Variants in SEPTIN1 observed in about 807,000 individuals in gnomAD.
SEPTIN1 encodes septin 1.
A neutral mutation model predicts 50.7 loss-of-function variants in SEPTIN1; 52 were observed. That is an observed-to-expected ratio of 1.03 (90% CI 0.82 to 1.29). The LOEUF (loss-of-function observed/expected upper bound fraction) is 1.29. Among genes scored for constraint, SEPTIN1 ranks in the 50% most tolerant of loss-of-function variants. SEPTIN1 has a pLI of 0.00. For missense variants in SEPTIN1, 455 were observed against 490.7 expected, an observed-to-expected ratio of 0.93 and a Z score of 0.69; for synonymous variants, 204 against 189.1, an observed-to-expected ratio of 1.08 and a Z score of -0.65.
Position 30,379,001 on chromosome 16 carries a change from TC to T in SEPTIN1, c.941+16del. 1 of 1,610,002 alleles carries T rather than the reference TC, an allele frequency of 6.2e-7. No individual in the cohort carries two copies. Among genetic ancestry groups the T allele is most frequent in the Non-Finnish European group, 8.5e-7 (1 of 1,178,480 alleles). ...CGGGACCTTGGAGGCTCTGATACTG[TC>T]CGCCCCGGGTCTCACCTGCGGCTGG... On this transcript the variant is annotated intron_variant, in intron 9 of 10. Coordinates refer to ENST00000321367, the MANE Select transcript of SEPTIN1 (RefSeq NM_001365977.2).
chr16:30,378,795 AG>A, intron 9 of SEPTIN1, 95 bp from the exon 10 acceptor site: 1 of 1,156,858 alleles, frequency 8.6e-7, no homozygotes, highest in Non-Finnish European at 1.2e-6. Flanking sequence ...GTTGGGGTCT[AG>A]GAGGCGGAGC....
At position 30,382,052 on chromosome 16, in the gene SEPTIN1, G is replaced by A; in HGVS notation, c.196+41C>T. 3 of 1,584,482 alleles carry A rather than the reference G, an allele frequency of 1.9e-6. No individual in the cohort carries two copies. The highest frequency in any genetic ancestry group is 2.6e-6 in the Non-Finnish European group (3 of 1,163,302). ...TGGAAAAGACTAGGGTGTAACCTGGGGACAGGGGCTACTGCCTCAAGAGGG... is the reference window on the plus strand; with the variant it reads ...TGGAAAAGACTAGGGTGTAACCTGGAGACAGGGGCTACTGCCTCAAGAGGG... On this transcript the variant is annotated intron_variant, in intron 3 of 10. Transcript: ENST00000321367. This position sits in a 1 kb window ranked among gnomAD's most constrained non-coding sequence, Gnocchi z 4.8.
Position 30,382,218 on chromosome 16 carries a change from C to G in SEPTIN1, c.110-39G>C, listed in dbSNP as rs769136905. The G allele has an allele frequency of 3.7e-6, 6 of 1,612,636 alleles. No individual in the cohort carries two copies. The East Asian group carries it at 6.7e-5, about 18-fold the overall frequency. Reference sequence around the variant, plus strand: ...AGGCCCAACTGGTCAGGGGAGGGGACAGCCAGGGCCTCCTAAGGACATCCC... The same window carrying G: ...AGGCCCAACTGGTCAGGGGAGGGGAGAGCCAGGGCCTCCTAAGGACATCCC... On this transcript the variant is annotated intron_variant, in intron 2 of 10. Coordinates refer to ENST00000321367, the MANE Select transcript of SEPTIN1 (RefSeq NM_001365977.2). This position sits in a 1 kb window ranked among gnomAD's most constrained non-coding sequence, Gnocchi z 4.8.
At chr16:30,382,731 G>A (rs780061738), upstream of SEPTIN1, 139 of 1,535,994 alleles carry the variant, frequency 9.0e-5, no homozygotes, top group Non-Finnish European at 1.1e-4. The surrounding 1 kb of genome is among the most constrained non-coding windows in gnomAD (Gnocchi z 4.8). Context: ...ACCTGTCTAC[G>A]TACCTTCAAC....
At chr16:30,380,769 A>T (rs1225951275) in intron 6 of SEPTIN1, 1 of 217,368 alleles carries the variant, frequency 4.6e-6, no homozygotes, top group Non-Finnish European at 8.9e-6. Context: ...GACTCTATCT[A>T]AAAAAAAAAA....
rs748005226 is a variant in SEPTIN1, at chr16:30,382,260, C to CCAAAACCCCCAG, written c.109+3_109+14dup. On this transcript the variant is annotated intron_variant, in intron 2 of 10. Transcript: ENST00000321367. This position sits in a 1 kb window ranked among gnomAD's most constrained non-coding sequence, Gnocchi z 4.8. ...GGACATCCCCTCCGCAGTTCCCTCT[C>CCAAAACCCCCAG]CAAAACCCCCAGACCTGCCACCATT... 4.2e-5 allele frequency: 67 copies of CCAAAACCCCCAG among 1,613,250 alleles called. No homozygotes were observed. Among genetic ancestry groups the CCAAAACCCCCAG allele is most frequent in the Non-Finnish European group, 5.5e-5 (65 of 1,179,492 alleles).
In SEPTIN1 at chr16:30,379,932, C is replaced by T. The variant is rs777629073; in HGVS notation, c.675G>A (p.Lys225=). ...EDFKRQDAEM[K]ESIPFAVVGS... is the part of the protein sequence containing the mutation. ...TGCCTTCCTTCTTTGTTTCCCACAC[C>T]TTCATCTCTGCATCCTGCCTCTTGA... The change falls in exon 7 of 11, where the codon AAG becomes AAA. Residue 225 remains lysine, a splice_region_variant and synonymous_variant. Coordinates refer to ENST00000321367, the MANE Select transcript of SEPTIN1 (RefSeq NM_001365977.2). 25 of 1,504,256 alleles carry T rather than the reference C, an allele frequency of 1.7e-5. No individual in the cohort carries two copies. Among genetic ancestry groups the T allele is most frequent in the Non-Finnish European group, 2.3e-5 (25 of 1,082,124 alleles). 93.2% of individuals were successfully genotyped at this position (1,504,256 alleles called of 1,614,324 possible).
Position 30,379,774 on chromosome 16 carries a change from T to C in SEPTIN1, c.675+158A>G, listed in dbSNP as rs921533291. 8.5e-6 allele frequency: 5 copies of C among 586,968 alleles called. No individual in the cohort carries two copies. The Admixed American group carries it at 9.5e-5, about 11-fold the overall frequency. 36.4% of individuals were successfully genotyped at this position (586,968 alleles called of 1,614,324 possible). A position where few individuals can be genotyped will look rare whatever the true frequency, so the allele number is the denominator to read the frequency against. On this transcript the variant is annotated intron_variant, in intron 7 of 10. Coordinates refer to ENST00000321367, the MANE Select transcript of SEPTIN1 (RefSeq NM_001365977.2). ...GGCGCCCACCATCACACCTGGCAAA[T>C]TTGTGTATTTTTAGTAGAGGTGGGG...
At chr16:30,378,847 A>AGAAAGGGGGAGAGAGG in intron 9 of SEPTIN1, 147 bp from the exon 10 acceptor site, 1 of 530,494 alleles carries the variant, frequency 1.9e-6, no homozygotes, top group Non-Finnish European at 3.1e-6. Flanking sequence ...GCGGGTGGGG[A>AGAAAGGGGGAGAGAGG]GAGAGGGGGA....
chr16:30,381,230 T>A lies in SEPTIN1; in HGVS notation c.470A>T (p.Asp157Val). 1.9e-6 allele frequency: 3 copies of A among 1,613,890 alleles called. No homozygotes were observed. Among genetic ancestry groups the A allele is most frequent in the Non-Finnish European group, 2.5e-6 (3 of 1,179,950 alleles). The part of the protein sequence containing the change: ...SPFGRGLRPL[D>V]VAFLRAVHEK... ...GTGTACTGCCCGGAGGAAGGCCACA[T>A]CTAGGGGCCGGAGCCTGCACCCAGG... Residue 157 changes from aspartate (D) to valine (V), a missense_variant, in exon 6 of 11, where the codon GAT becomes GTT. Transcript: ENST00000321367. The surrounding 1 kb of genome is among the most constrained non-coding windows in gnomAD (Gnocchi z 4.3).
rs1463597028 is a variant in SEPTIN1, at chr16:30,379,992, CT to C, written c.614del (p.Gln205ArgfsTer20). On this transcript the variant is annotated frameshift_variant, in exon 7 of 11. Transcript: ENST00000321367. LOFTEE classifies it high-confidence loss of function. Reference protein sequence around the residue: ...QLKEEEIHIYQFPECDSDEDE... With the variant: ...QLKEEEIHIYXFPECDSDEDE... ...CTTCATCAGAGTCACATTCGGGGAA[CT>C]GGTAGATGTGGATCTCCTCTTCCTT... The C allele has an allele frequency of 6.2e-7, 1 of 1,612,106 alleles. No homozygotes were observed. The highest frequency in any genetic ancestry group is 1.7e-5 in the Admixed American group (1 of 59,930).
At chr16:30,380,929 G>A (rs908468745) in intron 6 of SEPTIN1, 198 bp downstream of exon 6, 2 of 625,898 alleles carry the variant, frequency 3.2e-6, no homozygotes, top group East Asian at 5.3e-5. Flanking sequence ...TAGCCCGGGG[G>A]CTGCATATGT....
At position 30,382,027 on chromosome 16, in the gene SEPTIN1, T is replaced by G; in HGVS notation, c.196+66A>C. 6.3e-7 allele frequency: 1 copy of G among 1,595,644 alleles called. No individual in the cohort carries two copies. Among genetic ancestry groups the G allele is most frequent in the East Asian group, 2.2e-5 (1 of 44,460 alleles). ...GCAGTCAACTACCTGAGTCCCCAGA[T>G]GGAAAAGACTAGGGTGTAACCTGGG... On this transcript the variant is annotated intron_variant, in intron 3 of 10. Coordinates refer to ENST00000321367, the MANE Select transcript of SEPTIN1 (RefSeq NM_001365977.2). This position sits in a 1 kb window ranked among gnomAD's most constrained non-coding sequence, Gnocchi z 4.8.
At chr16:30,379,666 T>TTTTTTTTTA (rs2049814819) in intron 7 of SEPTIN1, 132 bp from the exon 8 acceptor site, 3 of 616,022 alleles carry the variant, frequency 4.9e-6, no homozygotes, top group Admixed American at 3.1e-5. Context: ...TTTTTTTTTT[T>TTTTTTTTTA]GAGACAGGGT....
Position 30,381,758 on chromosome 16 carries a change from A to G in SEPTIN1, c.320+2T>C, listed in dbSNP as rs1328616004. 6.2e-7 allele frequency: 1 copy of G among 1,613,628 alleles called. No individual in the cohort carries two copies. Among genetic ancestry groups the G allele is most frequent in the East Asian group, 2.2e-5 (1 of 44,870 alleles). ...GCCTCTGTCCCCTTTCCTCTTCCTC[A>G]CCAGTCAGAGCAGTCCACTGAGTCC... is the stretch of plus-strand genomic sequence containing the variant. On this transcript the variant is annotated splice_donor_variant, in intron 4 of 10. Transcript: ENST00000321367. LOFTEE classifies it high-confidence loss of function. The surrounding 1 kb of genome is among the most constrained non-coding windows in gnomAD (Gnocchi z 4.3).
Position 30,379,848 on chromosome 16 carries a change from C to A in SEPTIN1, c.675+84G>T, listed in dbSNP as rs191063042. 348 of 759,964 alleles carry A rather than the reference C, an allele frequency of 4.6e-4. No homozygotes were observed. In the African/African-American group the frequency reaches 4.9e-3, roughly 11 times the overall value. The allele number at this position is 759,964 out of a possible 1,614,324, so 47.1% of individuals were successfully genotyped here. On this transcript the variant is annotated intron_variant, in intron 7 of 10. Transcript: ENST00000321367. The stretch of plus-strand genomic sequence containing the variant: ...TCTGGAACTCCTGACCTCAGGGGAT[C>A]CTCCCGTCTCAGCCTCCCAAAGTGC...
At chr16:30,380,829 G>A (rs1671952168) in intron 6 of SEPTIN1, 1 of 437,680 alleles carries the variant, frequency 2.3e-6, no homozygotes. Context: ...AGTGGGAAAG[G>A]GCTCTGAAGA....
chr16:30,381,876 C>A lies in SEPTIN1; in HGVS notation c.204G>T (p.Leu68Phe). 1 of 1,614,124 alleles carries A rather than the reference C, an allele frequency of 6.2e-7. No homozygotes were observed. Among genetic ancestry groups the A allele is most frequent in the South Asian group, 1.1e-5 (1 of 91,066 alleles). ...DRQVPEASAR[L>F]TQTLAIERRG... Reference sequence around the variant, plus strand: ...GGCGCTCAATGGCCAGGGTCTGTGTCAAGCGAGCTGTGGGATGGGGGAGAG... The same window carrying A: ...GGCGCTCAATGGCCAGGGTCTGTGTAAAGCGAGCTGTGGGATGGGGGAGAG... The change falls in exon 4 of 11, where the codon TTG becomes TTT. Residue 68 changes from leucine (L) to phenylalanine (F), a missense_variant. Coordinates refer to ENST00000321367, the MANE Select transcript of SEPTIN1 (RefSeq NM_001365977.2). The surrounding 1 kb of genome is among the most constrained non-coding windows in gnomAD (Gnocchi z 4.3).
At position 30,379,108 on chromosome 16, in the gene SEPTIN1, T is replaced by C. The variant is rs548739141; in HGVS notation, c.851A>G (p.Glu284Gly). ...LVQTHLQDLK[E>G]VTHDLLYEGY... ...CTCGTAGAGCAGATCGTGCGTCACCTCTTTCAGGTCCTGCAGGTGTGTCTG... is the reference window on the plus strand; with the variant it reads ...CTCGTAGAGCAGATCGTGCGTCACCCCTTTCAGGTCCTGCAGGTGTGTCTG... Residue 284 changes from glutamate (E) to glycine (G), a missense_variant, in exon 9 of 11, where the codon GAG (glutamate) becomes GGG (glycine). By Grantham distance (98) the Glu-to-Gly change is moderately conservative. Transcript: ENST00000321367. The C allele has an allele frequency of 1.4e-4, 218 of 1,614,040 alleles. 2 individuals are homozygous for C. The South Asian group carries it at 2.3e-3, about 17-fold the overall frequency.
Sources: allele counts gnomAD v4.1 joint callset, GRCh38; gene constraint gnomAD v4.1.1; non-coding constraint Gnocchi (gnomAD v3.1); transcripts MANE v1.5; gene names NCBI Gene and HGNC (gene_info 2026-07-23, HGNC 2026-07-21).